The following DNAJC11 variants were observed in gnomAD, a reference collection of about 807,000 sequenced individuals.
DNAJC11 encodes the protein dnaJ homolog subfamily C member 11.
A neutral mutation model predicts 78.6 loss-of-function variants in DNAJC11; 15 were observed. That is an observed-to-expected ratio of 0.19 (90% CI 0.13 to 0.29). DNAJC11 has a LOEUF of 0.29. Among genes scored for constraint, DNAJC11 ranks in the 10% least tolerant of loss-of-function variants. DNAJC11 has a pLI of 1.00. For missense variants in DNAJC11, 547 were observed against 709.6 expected (o/e 0.77, Z 2.60); for synonymous variants, 292 against 272.1 (o/e 1.07, Z -0.72).
chr1:6,684,536 C>T (rs2147881109), intron 1 of DNAJC11, among the ~76,000 whole-genome samples: 1 of 152,308 alleles, frequency 6.6e-6, no homozygotes, highest in African/African-American at 2.4e-5. Context: ...AATATCTACT[C>T]TGCAAGACAT....
In DNAJC11 at chr1:6,651,511, G is replaced by C; in HGVS notation, c.704+18C>G. 1.2e-6 allele frequency: 2 copies of C among 1,609,884 alleles called. No homozygotes were observed. Among genetic ancestry groups the C allele is most frequent in the South Asian group, 2.2e-5 (2 of 90,826 alleles). ...CAACAAAGACCACCAAAGAGGAGCT[G>C]CTGTCTCTCATATTTACCATCTTGG... On this transcript the variant is annotated intron_variant, in intron 7 of 15. Coordinates refer to ENST00000377577, the MANE Select transcript of DNAJC11 (RefSeq NM_018198.4).
At chr1:6,646,101 C>A in intron 7 of DNAJC11, 123 bp from the exon 8 acceptor site, 2 of 968,950 alleles carry the variant, frequency 2.1e-6, no homozygotes, top group Admixed American at 2.5e-5. Context: ...GGGCCAGCTC[C>A]CAGTAAAAAA....
chr1:6,641,461 T>C, intron 10 of DNAJC11, among the ~76,000 whole-genome samples: 1 of 128,194 alleles, frequency 7.8e-6, no homozygotes, highest in East Asian at 2.4e-4. Flanking sequence ...TGTGAATGGG[T>C]AAAAAAAATA....
At chr1:6,684,012 G>C (rs545113476) in intron 1 of DNAJC11, among the ~76,000 whole-genome samples, 23 of 152,116 alleles carry the variant, frequency 1.5e-4, no homozygotes, top group African/African-American at 5.1e-4. Flanking sequence ...ATCTTTTCCA[G>C]GTAGGTTTAC....
intron 10 of DNAJC11, 145 bp from the exon 11 acceptor site, chr1:6,640,202 A>G: frequency 8.8e-6 from 9 of 1,021,364 alleles, no homozygotes; most frequent in Non-Finnish European, 1.2e-5. Flanking sequence ...CTCCTTTCAC[A>G]GTCCACCACC....
intron 1 of DNAJC11, among the ~76,000 whole-genome samples, chr1:6,689,879 C>T (rs1196783210): frequency 3.9e-5 from 6 of 152,002 alleles, no homozygotes; most frequent in African/African-American, 7.3e-5. Flanking sequence ...AGGACCGAGA[C>T]GCATCACAGA....
rs1448433773 is a variant in DNAJC11, at chr1:6,634,601, GAGAC to G, written c.*1070_*1073del. ...GATGGCTGCCACTTCCAGGCCCCGA[GAGAC>G]AGGCCTCACGTAACTTTACTGCAGC... On this transcript the variant is annotated 3_prime_UTR_variant, in exon 16 of 16. Coordinates refer to ENST00000377577, the MANE Select transcript of DNAJC11 (RefSeq NM_018198.4). 7.3e-7 allele frequency: 1 copy of G among 1,366,360 alleles called. No homozygotes were observed. The highest frequency in any genetic ancestry group is 4.5e-5 in the East Asian group (1 of 21,986). The allele number at this position is 1,366,360 out of a possible 1,614,324, so 84.6% of individuals were successfully genotyped here.
intron 1 of DNAJC11, among the ~76,000 whole-genome samples, chr1:6,682,902 G>T (rs1438250441): frequency 6.6e-6 from 1 of 152,146 alleles, no homozygotes; most frequent in Non-Finnish European, 1.5e-5. Context: ...TCCAGCCTGG[G>T]TGACAGAGGG....
intron 4 of DNAJC11, among the ~76,000 whole-genome samples, chr1:6,667,100 T>G (rs1642304853): frequency 6.6e-6 from 1 of 152,170 alleles, no homozygotes; most frequent in African/African-American, 2.4e-5. Context: ...TAACTCTGAC[T>G]CAGTATTTAA....
At chr1:6,673,288 AC>A (rs1375492479) in intron 3 of DNAJC11, among the ~76,000 whole-genome samples, 2 of 151,506 alleles carry the variant, frequency 1.3e-5, no homozygotes, top group African/African-American at 4.8e-5. Context: ...CCCCATCTCT[AC>A]AACAAAAAAA....
Position 6,644,631 on chromosome 1 carries a change from T to C in DNAJC11, c.1024A>G (p.Lys342Glu). The change falls in exon 10 of 16, where the codon AAG (lysine) becomes GAG (glutamate). Residue 342 changes from lysine (K) to glutamate (E), a missense_variant. Coordinates refer to ENST00000377577, the MANE Select transcript of DNAJC11 (RefSeq NM_018198.4). ...CCCAAAACGCTGTGCCTGGAGATCT[T>C]CCTCTCAGCTCCGTACTCCACCACC... ...GTVVEYGAER[K>E]ISRHSVLGAA... 6.2e-7 allele frequency: 1 copy of C among 1,614,128 alleles called. No individual in the cohort carries two copies. The highest frequency in any genetic ancestry group is 8.5e-7 in the Non-Finnish European group (1 of 1,180,016).
chr1:6,660,599 C>T (rs2148737184), intron 4 of DNAJC11, among the ~76,000 whole-genome samples: 1 of 152,210 alleles, frequency 6.6e-6, no homozygotes, highest in South Asian at 2.1e-4. Flanking sequence ...TTACAGGCAC[C>T]CAAATTAAAT....
intron 4 of DNAJC11, among the ~76,000 whole-genome samples, chr1:6,666,701 C>T (rs905158775): frequency 6.6e-6 from 1 of 152,188 alleles, no homozygotes; most frequent in Admixed American, 6.5e-5. Flanking sequence ...CGCACCCGGC[C>T]TATTCTATTC....
chr1:6,643,555 GT>G (rs1237938347), intron 10 of DNAJC11, among the ~76,000 whole-genome samples: 1 of 152,102 alleles, frequency 6.6e-6, no homozygotes, highest in Non-Finnish European at 1.5e-5. Context: ...GATTACAGGT[GT>G]GAGCCACAGT....
chr1:6,668,817 G>A lies in DNAJC11; in HGVS notation c.277-1007C>T, dbSNP rs548564176. On this transcript the variant is annotated intron_variant, in intron 3 of 15. Coordinates refer to ENST00000377577, the MANE Select transcript of DNAJC11 (RefSeq NM_018198.4). ...GAATGTGGGCTGTCAGTTATAGGCT[G>A]GCGTAACAATACTCAGGTACCACAC... 1.4e-4 allele frequency among the ~76,000 whole-genome samples: 21 copies of A among 152,224 alleles called. No homozygotes were observed. The East Asian group carries it at 3.1e-3, about 22-fold the overall frequency.
At chr1:6,651,220 G>A (rs759371860) in intron 7 of DNAJC11, 3 of 600,916 alleles carry the variant, frequency 5.0e-6, no homozygotes, top group Admixed American at 1.9e-5. Flanking sequence ...TAAGTGTTTC[G>A]GTCCACTGAC....
intron 3 of DNAJC11, among the ~76,000 whole-genome samples, 160 bp downstream of exon 3, chr1:6,678,234 C>G (rs1430101395): frequency 6.6e-6 from 1 of 152,200 alleles, no homozygotes; most frequent in East Asian, 1.9e-4. Context: ...AAAGCCAAGT[C>G]CAAAACTCAA....
intron 1 of DNAJC11, among the ~76,000 whole-genome samples, chr1:6,690,780 T>C (rs548445447): frequency 3.9e-4 from 60 of 152,222 alleles, no homozygotes; most frequent in Admixed American, 2.0e-3. Context: ...AAAAATTAGC[T>C]GGGCGTGGTG....
intron 3 of DNAJC11, among the ~76,000 whole-genome samples, chr1:6,674,763 G>A (rs1245054012): frequency 6.6e-6 from 1 of 151,898 alleles, no homozygotes; most frequent in African/African-American, 2.4e-5. Flanking sequence ...CCTAATGACT[G>A]ACAACTGGGC....
Sources: gnomAD v4.1 joint callset for allele counts (sites outside exome capture counted in the v4.1 genomes callset) on GRCh38, gnomAD v4.1.1 for gene constraint, MANE v1.5 for transcripts, NCBI Gene and HGNC (gene_info 2026-07-23, HGNC 2026-07-21) for gene names.